Variants in SCN7A observed in about 807,000 individuals in gnomAD.
SCN7A encodes sodium voltage-gated channel alpha subunit 7.
In SCN7A, 138 loss-of-function variants were observed where a neutral mutation model predicts 155.2. The ratio of observed to expected loss-of-function variants is 0.89; its 90% CI spans 0.77 to 1.02. The LOEUF (loss-of-function observed/expected upper bound fraction) is 1.02. Ranked by LOEUF, SCN7A falls within the 50% of genes least tolerant of loss-of-function variation. The probability of loss-of-function intolerance (pLI) is 0.00; values close to 1 mark genes in which losing one functional copy is unlikely to be tolerated. For synonymous variants in SCN7A, 693 were observed against 649.0 expected (o/e 1.07, Z -1.03); for missense variants, 2,058 against 1,986.6 (o/e 1.04, Z -0.68).
At chr2:166,454,580 C>T (rs1233204505) in intron 11 of SCN7A, among the ~76,000 whole-genome samples, 5 of 152,170 alleles carry the variant, frequency 3.3e-5, no homozygotes, top group Admixed American at 2.6e-4. Flanking sequence ...ATGTACCTTA[C>T]TATATATTCC....
At chr2:166,474,370 A>T in intron 3 of SCN7A, 26 bp from the exon 4 acceptor site, 1 of 1,072,384 alleles carries the variant, frequency 9.3e-7, no homozygotes, top group Non-Finnish European at 1.3e-6. Context: ...CGATCAAGTG[A>T]AATTAGAACT....
chr2:166,406,485 T>C lies in SCN7A; in HGVS notation c.4144A>G (p.Asn1382Asp). 1 of 1,612,848 alleles carries C rather than the reference T, an allele frequency of 6.2e-7. No individual in the cohort carries two copies. The highest frequency in any genetic ancestry group is 1.1e-5 in the South Asian group (1 of 91,050). Residue 1382 changes from asparagine to aspartate, a missense_variant, in exon 26 of 26, where the codon AAC becomes GAC. Transcript: ENST00000643258. ...PLMLSLPALL[N>D]IILLIFLVMF... ...ACCAGGAAGATGAGAAGAATGATGT[T>C]CAATAATGCTGGGAGGGACAGCATC...
intron 18 of SCN7A, among the ~76,000 whole-genome samples, chr2:166,427,286 A>G (rs1411457631): frequency 1.3e-5 from 2 of 152,108 alleles, no homozygotes; most frequent in Non-Finnish European, 2.9e-5. Flanking sequence ...TAATGTGCAG[A>G]TATTTGTAGA....
chr2:166,409,635 C>T, intron 25 of SCN7A, 30 bp downstream of exon 25: 1 of 1,379,466 alleles, frequency 7.2e-7, no homozygotes, highest in South Asian at 1.6e-5. Flanking sequence ...ATATTATTAT[C>T]AGTAAAAATT....
chr2:166,462,392 G>A lies in SCN7A; in HGVS notation c.1080C>T (p.His360=), dbSNP rs1368436989. The change falls in exon 10 of 26, where the codon CAC becomes CAT. Residue 360 remains histidine, a synonymous_variant. Coordinates refer to ENST00000643258, the MANE Select transcript of SCN7A (RefSeq NM_002976.4). ...MAQDYPEVLY[H]QILYASGKVY... ...TACAATTTCTCTCTGTTCTTACCTG[G>A]TGATAAAGTACTTCAGGGTAATCCT... 6.3e-7 allele frequency: 1 copy of A among 1,586,884 alleles called. No individual in the cohort carries two copies. Among genetic ancestry groups the A allele is most frequent in the Non-Finnish European group, 8.6e-7 (1 of 1,165,346 alleles).
chr2:166,414,267 C>CATATATATATATATATAT (rs1418815761), intron 21 of SCN7A, among the ~76,000 whole-genome samples: 17 of 28,342 alleles, frequency 6.0e-4, no homozygotes, highest in Non-Finnish European at 6.5e-4. Context: ...TATATATACA[C>CATATATATATATATATAT]ACACATATAT....
In SCN7A at chr2:166,444,766, T is replaced by C; in HGVS notation, c.1622A>G (p.Asn541Ser). The C allele has an allele frequency of 2.0e-6, 3 of 1,534,934 alleles. No individual in the cohort carries two copies. The highest frequency in any genetic ancestry group is 2.7e-6 in the Non-Finnish European group (3 of 1,119,814). Residue 541 changes from asparagine to serine, a missense_variant, in exon 13 of 26, where the codon AAC becomes AGC. Asn to Ser is a conservative substitution (Grantham distance 46, BLOSUM62 1). Transcript: ENST00000643258. ...AATGTACAATGAGAGTCTTACCAGG[T>C]TTCCAATGTTGAGAAGAGTGTTAGT... ...KQTNTLLNIGNLVFIGIFTAE... is the reference protein window; with the variant it reads ...KQTNTLLNIGSLVFIGIFTAE...
chr2:166,442,789 C>A (rs1245846900), intron 14 of SCN7A, among the ~76,000 whole-genome samples: 1 of 152,096 alleles, frequency 6.6e-6, no homozygotes, highest in African/African-American at 2.4e-5. Flanking sequence ...GTTGTTTCAT[C>A]CATAAATTTG....
At chr2:166,440,637 C>T (rs1701939719) in intron 15 of SCN7A, 1 of 151,822 alleles carries the variant, frequency 6.6e-6, no homozygotes, top group Admixed American at 6.6e-5. Flanking sequence ...ATACAATATA[C>T]AATTTGTATA....
At chr2:166,462,775 AT>A (rs917488067) in intron 9 of SCN7A, among the ~76,000 whole-genome samples, 8 of 151,882 alleles carry the variant, frequency 5.3e-5, no homozygotes, top group Non-Finnish European at 7.4e-5. Flanking sequence ...TTGCCAAGCT[AT>A]TTTTTTTGTA....
intron 15 of SCN7A, among the ~76,000 whole-genome samples, chr2:166,437,432 T>A (rs1269546473): frequency 6.6e-6 from 1 of 152,176 alleles, no homozygotes; most frequent in African/African-American, 2.4e-5. Flanking sequence ...GGCAGAGCTC[T>A]CATGGAGAAC....
chr2:166,420,511 T>C (rs946437958), intron 20 of SCN7A, among the ~76,000 whole-genome samples: 1 of 152,120 alleles, frequency 6.6e-6, no homozygotes, highest in Non-Finnish European at 1.5e-5. Flanking sequence ...CTTGTGGTGG[T>C]CACAGACTCC....
intron 9 of SCN7A, among the ~76,000 whole-genome samples, chr2:166,464,948 G>C (rs1702495353): frequency 6.6e-6 from 1 of 152,148 alleles, no homozygotes; most frequent in Non-Finnish European, 1.5e-5. Flanking sequence ...TGGATGAATA[G>C]TATTCCACAT....
intron 2 of SCN7A, among the ~76,000 whole-genome samples, chr2:166,480,743 C>T (rs956057788): frequency 6.6e-6 from 1 of 152,120 alleles, no homozygotes; most frequent in Non-Finnish European, 1.5e-5. Flanking sequence ...AAGAGAATAT[C>T]GAAATTTTCT....
intron 18 of SCN7A, among the ~76,000 whole-genome samples, chr2:166,425,874 T>C (rs533639123): frequency 5.3e-5 from 8 of 152,132 alleles, no homozygotes; most frequent in Admixed American, 1.3e-4. Flanking sequence ...ATGGACATAT[T>C]TGAGGACCAT....
rs28582513 is a variant in SCN7A, at chr2:166,414,002, T to A, written c.3415-881A>T. ...ATGTGTATATATATATATATATATA[T>A]AAATATACTATATATATGTAAATAT... On this transcript the variant is annotated intron_variant, in intron 21 of 25. Transcript: ENST00000643258. 8.8e-4 allele frequency among the ~76,000 whole-genome samples: 79 copies of A among 90,280 alleles called. 3 individuals are homozygous for A. Among genetic ancestry groups the A allele is most frequent in the African/African-American group, 2.5e-3 (56 of 22,078 alleles). The allele number at this position is 90,280 out of a possible 152,430, so 59.2% of individuals were successfully genotyped here. A position where few individuals can be genotyped will look rare whatever the true frequency, so the allele number is the denominator to read the frequency against.
chr2:166,427,665 G>A lies in SCN7A; in HGVS notation c.2853+123C>T, dbSNP rs989453115. 5 of 649,400 alleles carry A rather than the reference G, an allele frequency of 7.7e-6. No individual in the cohort carries two copies. In the Admixed American group the frequency reaches 1.1e-4, roughly 14 times the overall value. The allele number at this position is 649,400 out of a possible 1,614,324, so 40.2% of individuals were successfully genotyped here. A position where few individuals can be genotyped will look rare whatever the true frequency, so the allele number is the denominator to read the frequency against. ...TTTAAATCACAGATTATGAAATTTG[G>A]TGCTATTTGGTGCTATACTAAATAT... On this transcript the variant is annotated intron_variant, in intron 18 of 25. Coordinates refer to ENST00000643258, the MANE Select transcript of SCN7A (RefSeq NM_002976.4).
chr2:166,457,048 A>G lies in SCN7A; in HGVS notation c.1112T>C (p.Met371Thr). The change falls in exon 11 of 26, where the codon ATG becomes ACG. Residue 371 changes from methionine (M) to threonine (T), a missense_variant. Coordinates refer to ENST00000643258, the MANE Select transcript of SCN7A (RefSeq NM_002976.4). ...AAAACTTACCACCACAAAAAATATC[A>G]TGTAGACCTTCCCAGAAGCATAAAG... ...QILYASGKVYMIFFVVVSFLF... is the reference protein window; with the variant it reads ...QILYASGKVYTIFFVVVSFLF... 1 of 1,609,774 alleles carries G rather than the reference A, an allele frequency of 6.2e-7. No individual in the cohort carries two copies. Among genetic ancestry groups the G allele is most frequent in the South Asian group, 1.1e-5 (1 of 90,428 alleles).
chr2:166,426,081 T>C (rs1701617430), intron 18 of SCN7A, among the ~76,000 whole-genome samples: 1 of 152,218 alleles, frequency 6.6e-6, no homozygotes. Context: ...TAGAGAGACA[T>C]ATGTGCCTCC....
Sources: gnomAD v4.1 joint callset for allele counts (sites outside exome capture counted in the v4.1 genomes callset) on GRCh38, gnomAD v4.1.1 for gene constraint, MANE v1.5 for transcripts, NCBI Gene and HGNC (gene_info 2026-07-23, HGNC 2026-07-21) for gene names.